ARHGAP10: variants seen among roughly 807,000 people sequenced by gnomAD.
ARHGAP10 encodes Rho GTPase activating protein 10.
ARHGAP10 carries 87 observed loss-of-function variants against 108.6 expected under a neutral mutation model. That is an observed-to-expected ratio of 0.80 (90% CI 0.67 to 0.96). ARHGAP10 has a LOEUF of 0.96. Among genes scored for constraint, ARHGAP10 ranks in the 40% least tolerant of loss-of-function variants. ARHGAP10 has a pLI of 0.00. For synonymous variants in ARHGAP10, 347 were observed against 341.1 expected, an observed-to-expected ratio of 1.02 and a Z score of -0.19; for missense variants, 939 against 954.5, an observed-to-expected ratio of 0.98 and a Z score of 0.21.
chr4:147,812,296 T>C (rs1481932135), intron 1 of ARHGAP10, among the ~76,000 whole-genome samples: 3 of 152,198 alleles, frequency 2.0e-5, no homozygotes, highest in Non-Finnish European at 2.9e-5. Flanking sequence ...ATGTAACACC[T>C]TCTCCCTCTT....
At chr4:147,946,448 C>G (rs1465008837) in intron 14 of ARHGAP10, 169 bp from the exon 15 acceptor site, 1 of 536,900 alleles carries the variant, frequency 1.9e-6, no homozygotes, top group Non-Finnish European at 3.2e-6. Context: ...AGTGTCTAGT[C>G]ATAGAACATA....
At chr4:148,006,512 A>AT (rs927287517) in intron 18 of ARHGAP10, among the ~76,000 whole-genome samples, 33 of 152,148 alleles carry the variant, frequency 2.2e-4, no homozygotes, top group African/African-American at 7.2e-4. Context: ...GCATAATAAA[A>AT]TGGTGGTGGT....
At chr4:147,794,882 T>A (rs143897623) in intron 1 of ARHGAP10, among the ~76,000 whole-genome samples, 1 of 152,340 alleles carries the variant, frequency 6.6e-6, no homozygotes, top group East Asian at 1.9e-4. Context: ...CAGTTCCCCT[T>A]CTGATAGACA....
chr4:147,843,402 C>T (rs767670881), intron 3 of ARHGAP10, among the ~76,000 whole-genome samples: 17 of 152,222 alleles, frequency 1.1e-4, no homozygotes, highest in Non-Finnish European at 2.1e-4. Flanking sequence ...CGTGGTCTCA[C>T]CTGTCAGTCA....
intron 10 of ARHGAP10, among the ~76,000 whole-genome samples, chr4:147,898,020 A>G (rs1233365977): frequency 1.3e-5 from 2 of 151,416 alleles, no homozygotes; most frequent in African/African-American, 2.4e-5. Flanking sequence ...CGCCTGGCTA[A>G]TTTTTTGTAT....
intron 18 of ARHGAP10, among the ~76,000 whole-genome samples, chr4:147,971,843 G>A (rs1179064391): frequency 6.6e-6 from 1 of 152,178 alleles, no homozygotes; most frequent in Non-Finnish European, 1.5e-5. Context: ...GGAAGTAGAG[G>A]AATGAAAGGC....
chr4:147,740,896 G>T (rs1333480622), intron 1 of ARHGAP10, among the ~76,000 whole-genome samples: 3 of 151,974 alleles, frequency 2.0e-5, no homozygotes, highest in Non-Finnish European at 4.4e-5. Context: ...TCCCCAAGGG[G>T]TAGGACCTAT....
At chr4:147,791,521 C>A (rs1011741791) in intron 1 of ARHGAP10, among the ~76,000 whole-genome samples, 1 of 151,608 alleles carries the variant, frequency 6.6e-6, no homozygotes, top group Admixed American at 6.6e-5. Flanking sequence ...ATGGTTATTC[C>A]GTGTGTGTGT....
chr4:147,823,555 C>T (rs1450842915), intron 3 of ARHGAP10, among the ~76,000 whole-genome samples: 2 of 151,960 alleles, frequency 1.3e-5, no homozygotes, highest in Non-Finnish European at 1.5e-5. Context: ...CTCAGGAGTT[C>T]GAGACCAGCC....
At chr4:147,732,712 GGCCCCGCC>G in intron 1 of ARHGAP10, among the ~76,000 whole-genome samples, 1 of 152,220 alleles carries the variant, frequency 6.6e-6, no homozygotes, top group African/African-American at 2.4e-5. Context: ...GCCCCGCCTG[GGCCCCGCC>G]TGGCCCCGGC....
intron 1 of ARHGAP10, among the ~76,000 whole-genome samples, chr4:147,813,797 G>A (rs1465864522): frequency 6.6e-6 from 1 of 152,136 alleles, no homozygotes; most frequent in Non-Finnish European, 1.5e-5. Context: ...TTAAGGCTTT[G>A]CATTCAAAAG....
rs1050072406 is a variant in ARHGAP10 at position 148,008,478 on chromosome 4, G to T, written c.1717-14785G>T. 4.6e-5 allele frequency among the ~76,000 whole-genome samples: 7 copies of T among 151,462 alleles called. No individual in the cohort carries two copies. In the Admixed American group the frequency reaches 4.6e-4, roughly 10 times the overall value. ...AGTTTTGGTGATCCCCACTGGGGGT[G>T]GTGGTACTGCTGGTATGTATCTAGT... On this transcript the variant is annotated intron_variant, in intron 18 of 22. Coordinates refer to ENST00000336498, the MANE Select transcript of ARHGAP10 (RefSeq NM_024605.4).
Position 148,045,403 on chromosome 4 carries a change from T to A in ARHGAP10, c.1868-1489T>A, listed in dbSNP as rs114684358. On this transcript the variant is annotated intron_variant, in intron 19 of 22. Coordinates refer to ENST00000336498, the MANE Select transcript of ARHGAP10 (RefSeq NM_024605.4). ...TCCCCTGGAGTCTGGGGAGCTAGCT[T>A]AATCAGAGCCTGGAATTTCTCTTAT... Among the ~76,000 whole-genome samples, 1,042 of 152,240 alleles carry A rather than the reference T, an allele frequency of 6.8e-3. 15 individuals carry two copies. Among genetic ancestry groups the A allele is most frequent in the African/African-American group, 0.023 (967 of 41,540 alleles).
chr4:148,021,755 C>T (rs918757581), intron 18 of ARHGAP10, among the ~76,000 whole-genome samples: 3 of 152,128 alleles, frequency 2.0e-5, no homozygotes, highest in African/African-American at 7.2e-5. Flanking sequence ...ATTTTTTAGG[C>T]AGATAAGTAG....
At chr4:147,888,553 A>G (rs1273742658) in intron 10 of ARHGAP10, among the ~76,000 whole-genome samples, 1 of 152,174 alleles carries the variant, frequency 6.6e-6, no homozygotes, top group Admixed American at 6.5e-5. Flanking sequence ...TTTAAGTCCA[A>G]AATTTTCTAA....
intron 18 of ARHGAP10, among the ~76,000 whole-genome samples, chr4:148,002,623 C>G (rs532704226): frequency 6.6e-6 from 1 of 152,018 alleles, no homozygotes; most frequent in Non-Finnish European, 1.5e-5. Flanking sequence ...GATTCAGCTT[C>G]TTCCTGGTTT....
chr4:148,023,345 C>G lies in ARHGAP10; in HGVS notation c.1799C>G (p.Ser600Trp), dbSNP rs139150580. The G allele has an allele frequency of 1.9e-5, 30 of 1,614,022 alleles. No individual in the cohort carries two copies. Among genetic ancestry groups the G allele is most frequent in the Non-Finnish European group, 2.5e-5 (30 of 1,180,026 alleles). ...CCCCCAAATGCGCCACCAAGGCAGTCGAAGAGACAAGGCCAGAGAACCAAG... is the reference window on the plus strand; with the variant it reads ...CCCCCAAATGCGCCACCAAGGCAGTGGAAGAGACAAGGCCAGAGAACCAAG... ...ASPPNAPPRQ[S>W]KRQGQRTKRP... is the part of the protein sequence containing the mutation. The change falls in exon 19 of 23, where the codon TCG becomes TGG. Residue 600 changes from serine to tryptophan, a missense_variant. Coordinates refer to ENST00000336498, the MANE Select transcript of ARHGAP10 (RefSeq NM_024605.4).
chr4:147,939,501 A>T (rs931915238), intron 13 of ARHGAP10, among the ~76,000 whole-genome samples: 1 of 152,234 alleles, frequency 6.6e-6, no homozygotes, highest in African/African-American at 2.4e-5. Context: ...AAATACAGTA[A>T]ACATAAAAGT....
intron 18 of ARHGAP10, among the ~76,000 whole-genome samples, chr4:147,991,710 T>C (rs1370718270): frequency 6.6e-6 from 1 of 152,242 alleles, no homozygotes; most frequent in Non-Finnish European, 1.5e-5. Flanking sequence ...TATAGAACTG[T>C]GTACCAGCCA....
Sources: gnomAD v4.1 joint callset for allele counts (sites outside exome capture counted in the v4.1 genomes callset) on GRCh38, gnomAD v4.1.1 for gene constraint, MANE v1.5 for transcripts, NCBI Gene and HGNC (gene_info 2026-07-23, HGNC 2026-07-21) for gene names.